The following BIRC6 variants were observed in gnomAD, a reference collection of about 807,000 sequenced individuals.
BIRC6 encodes dual E2 ubiquitin-conjugating enzyme/E3 ubiquitin-protein ligase BIRC6.
A neutral mutation model predicts 503.3 loss-of-function variants in BIRC6; 98 were observed. That is an observed-to-expected ratio of 0.19 (90% CI 0.17 to 0.23). The LOEUF is 0.23. Ranked by LOEUF, BIRC6 falls within the 10% of genes least tolerant of loss-of-function variation. The pLI, the probability that BIRC6 is intolerant of heterozygous loss-of-function variation, is 1.00. For missense variants in BIRC6, 5,360 were observed against 5,806.0 expected, an observed-to-expected ratio of 0.92 and a Z score of 2.50; for synonymous variants, 2,240 against 2,078.7, an observed-to-expected ratio of 1.08 and a Z score of -2.11.
At chr2:32,385,651 C>CTAGAA (rs1375088017) in intron 3 of BIRC6, among the ~76,000 whole-genome samples, 1 of 152,164 alleles carries the variant, frequency 6.6e-6, no homozygotes, top group Non-Finnish European at 1.5e-5. Context: ...TTGCTGTGGA[C>CTAGAA]TTCTAGTGTC....
chr2:32,459,312 A>G (rs2047577642), intron 23 of BIRC6, among the ~76,000 whole-genome samples: 1 of 152,136 alleles, frequency 6.6e-6, no homozygotes, highest in Admixed American at 6.5e-5. Context: ...TTGTTTAGGC[A>G]TTCATCTACG....
intron 4 of BIRC6, among the ~76,000 whole-genome samples, chr2:32,390,941 C>A (rs2039150357): frequency 6.6e-6 from 1 of 152,168 alleles, no homozygotes; most frequent in South Asian, 2.1e-4. Context: ...TCTTGGGCAA[C>A]ATGCAGACTA....
intron 33 of BIRC6, among the ~76,000 whole-genome samples, chr2:32,475,356 T>C (rs1217684000): frequency 6.6e-6 from 1 of 152,182 alleles, no homozygotes; most frequent in Non-Finnish European, 1.5e-5. Context: ...AAGGTCTTTA[T>C]GAACAGAGAG....
At chr2:32,446,743 T>TTTC (rs2045991902) in intron 21 of BIRC6, among the ~76,000 whole-genome samples, 1 of 119,680 alleles carries the variant, frequency 8.4e-6, no homozygotes, top group Non-Finnish European at 1.7e-5. Flanking sequence ...GCGCTGTTTT[T>TTTC]TTTTTTTTTT....
At chr2:32,577,389 A>G (rs1392957219) in intron 66 of BIRC6, among the ~76,000 whole-genome samples, 1 of 152,172 alleles carries the variant, frequency 6.6e-6, no homozygotes, top group Non-Finnish European at 1.5e-5. Flanking sequence ...TTACCCAGGT[A>G]TATTTTGTCT....
Position 32,415,944 on chromosome 2 carries a change from T to G in BIRC6, c.2653T>G (p.Ser885Ala). Residue 885 changes from serine to alanine, a missense_variant, in exon 10 of 74, where the codon TCA (serine) becomes GCA (alanine). Ser to Ala is a moderately conservative substitution (Grantham distance 99). Coordinates refer to ENST00000421745, the MANE Select transcript of BIRC6 (RefSeq NM_016252.4). Reference protein sequence around the residue: ...EEPIEDMQLTSKNGFEREKTS... With the variant: ...EEPIEDMQLTAKNGFEREKTS... ...ACCTATTGAGGACATGCAGTTAACC[T>G]CAAAGAATGGTTTTGAGAGAGAAAA... is the stretch of plus-strand genomic sequence containing the variant. 1 of 1,613,856 alleles carries G rather than the reference T, an allele frequency of 6.2e-7. No individual in the cohort carries two copies.
Position 32,478,472 on chromosome 2 carries a change from A to G in BIRC6, c.7069-163A>G, listed in dbSNP as rs1460442851. Among the ~76,000 whole-genome samples the G allele has an allele frequency of 2.6e-5, 4 of 152,238 alleles. No individual in the cohort carries two copies. In the East Asian group the frequency reaches 7.7e-4, roughly 29 times the overall value. On this transcript the variant is annotated intron_variant, in intron 35 of 73. Transcript: ENST00000421745. ...TTTAATATTTGATTCATGAAATTAC[A>G]TTCTTTTTTGCATTCCATCTCAAGC... is the stretch of plus-strand genomic sequence containing the variant.
At chr2:32,380,710 A>G (rs1043023621) in intron 3 of BIRC6, among the ~76,000 whole-genome samples, 2 of 152,218 alleles carry the variant, frequency 1.3e-5, no homozygotes, top group Middle Eastern at 3.2e-3. Context: ...CCTGGGGGAA[A>G]GAGTGAGACT....
chr2:32,415,042 G>A lies in BIRC6; in HGVS notation c.1751G>A (p.Ser584Asn), dbSNP rs928877321. Reference sequence around the variant, plus strand: ...AAATCTCCTGCTACCTCACCCATTAGTAGTAATTCTCACAGGTCACTGGAT... The same window carrying A: ...AAATCTCCTGCTACCTCACCCATTAATAGTAATTCTCACAGGTCACTGGAT... ...TYKSPATSPISSNSHRSLDGL... is the reference protein window; with the variant it reads ...TYKSPATSPINSNSHRSLDGL... Residue 584 changes from serine (S) to asparagine (N), a missense_variant, in exon 10 of 74, where the codon AGT (serine) becomes AAT (asparagine). Ser to Asn is a conservative substitution (Grantham distance 46). Coordinates refer to ENST00000421745, the MANE Select transcript of BIRC6 (RefSeq NM_016252.4). 4.3e-6 allele frequency: 7 copies of A among 1,613,790 alleles called. No individual in the cohort carries two copies. In the African/African-American group the frequency reaches 6.7e-5, roughly 15 times the overall value.
chr2:32,501,691 T>C (rs2053216157), intron 46 of BIRC6, 22 bp from the exon 47 acceptor site: 1 of 1,596,658 alleles, frequency 6.3e-7, no homozygotes, highest in Non-Finnish European at 8.5e-7. Context: ...ACTTTTAATG[T>C]GGTATCTTTT....
intron 72 of BIRC6, among the ~76,000 whole-genome samples, chr2:32,610,410 GTAA>G (rs1413657318): frequency 6.6e-6 from 1 of 152,192 alleles, no homozygotes; most frequent in Admixed American, 6.5e-5. Flanking sequence ...GTAAATCACA[GTAA>G]TAATAAGGAA....
intron 73 of BIRC6, among the ~76,000 whole-genome samples, chr2:32,612,635 A>G (rs2062957226): frequency 6.6e-6 from 1 of 152,176 alleles, no homozygotes; most frequent in Non-Finnish European, 1.5e-5. Context: ...TGTGAATGAC[A>G]AAGTGTATGA....
chr2:32,511,410 T>A (rs1375747106), intron 53 of BIRC6, among the ~76,000 whole-genome samples: 2 of 150,444 alleles, frequency 1.3e-5, no homozygotes, highest in African/African-American at 2.4e-5. Context: ...TCTGGGTTCA[T>A]GCCATTCTTC....
At chr2:32,582,556 G>C (rs2060744287) in intron 66 of BIRC6, among the ~76,000 whole-genome samples, 1 of 152,152 alleles carries the variant, frequency 6.6e-6, no homozygotes, top group African/African-American at 2.4e-5. Context: ...CTGAGGTCAA[G>C]AGTTCAAGAC....
chr2:32,613,758 A>G (rs937312906), intron 73 of BIRC6, among the ~76,000 whole-genome samples: 9 of 152,316 alleles, frequency 5.9e-5, no homozygotes, highest in South Asian at 2.1e-4. Flanking sequence ...CTTTTGTACT[A>G]TACTTTTCAT....
At chr2:32,441,066 G>C (rs1295714877) in intron 16 of BIRC6, among the ~76,000 whole-genome samples, 2 of 151,972 alleles carry the variant, frequency 1.3e-5, no homozygotes, top group Non-Finnish European at 2.9e-5. Flanking sequence ...AGCGGAATTA[G>C]ACCCAGGACT....
Position 32,401,553 on chromosome 2 carries a change from A to G in BIRC6, c.1348A>G (p.Arg450Gly). The G allele has an allele frequency of 1.2e-6, 2 of 1,614,030 alleles. No homozygotes were observed. Among genetic ancestry groups the G allele is most frequent in the South Asian group, 1.1e-5 (1 of 91,090 alleles). The change falls in exon 8 of 74, where the codon AGG (arginine) becomes GGG (glycine). Residue 450 changes from arginine (R) to glycine (G), a missense_variant. By Grantham distance (125) the Arg-to-Gly change is moderately radical. This residue lies in a region of BIRC6 where 700 missense variants were observed against 739.3 expected (regional missense o/e 0.95). Transcript: ENST00000421745. ...SGDPSSGVDS[R>G]RPTLAWLEDS... is the part of the protein sequence containing the mutation. The stretch of plus-strand genomic sequence containing the variant: ...AGACCCAAGCTCAGGAGTTGATTCA[A>G]GGAGACCAACTTTGGCGTGGCTGGA...
At chr2:32,572,484 A>G (rs1409878851) in intron 65 of BIRC6, among the ~76,000 whole-genome samples, 1 of 152,218 alleles carries the variant, frequency 6.6e-6, no homozygotes, top group Non-Finnish European at 1.5e-5. Flanking sequence ...GAATATAGGC[A>G]TTTAAAATTT....
chr2:32,592,838 A>G (rs1024155392), intron 66 of BIRC6, among the ~76,000 whole-genome samples: 1 of 150,382 alleles, frequency 6.6e-6, no homozygotes, highest in Admixed American at 6.6e-5. Flanking sequence ...CAGGTGTTCC[A>G]CCCGCCTCAG....
Sources: allele counts gnomAD v4.1 joint callset (sites outside exome capture counted in the v4.1 genomes callset), GRCh38; gene constraint gnomAD v4.1.1; regional missense constraint gnomAD v4.1.1; transcripts MANE v1.5; gene names NCBI Gene and HGNC (gene_info 2026-07-23, HGNC 2026-07-21).